NR1H4: variants seen among roughly 807,000 people sequenced by gnomAD.
NR1H4 encodes the protein nuclear receptor subfamily 1 group H member 4, also known as bile acid receptor.
Under a neutral mutation model 58.5 loss-of-function variants are expected in NR1H4, and 23 were observed. That is an observed-to-expected ratio of 0.39 (90% CI 0.28 to 0.56). The LOEUF (loss-of-function observed/expected upper bound fraction) is 0.56, where lower values mean the gene tolerates loss of function less well. Among genes scored for constraint, NR1H4 ranks in the 20% least tolerant of loss-of-function variants. The pLI, the probability that NR1H4 is intolerant of heterozygous loss-of-function variation, is 0.58. For synonymous variants in NR1H4, 214 were observed against 198.0 expected, an observed-to-expected ratio of 1.08 and a Z score of -0.68; for missense variants, 487 against 576.9, an observed-to-expected ratio of 0.84 and a Z score of 1.60.
At chr12:100,514,992 T>C (rs1380637944) in intron 4 of NR1H4, among the ~76,000 whole-genome samples, 2 of 152,018 alleles carry the variant, frequency 1.3e-5, no homozygotes, top group Non-Finnish European at 2.9e-5. Flanking sequence ...TCAGGTTCTT[T>C]TGAGTTTGGT....
chr12:100,528,734 C>T (rs1478247643), intron 4 of NR1H4, among the ~76,000 whole-genome samples: 3 of 152,136 alleles, frequency 2.0e-5, no homozygotes, highest in Non-Finnish European at 4.4e-5. Flanking sequence ...AGAGTGAAAG[C>T]TAATTAATTC....
intron 1 of NR1H4, among the ~76,000 whole-genome samples, chr12:100,489,589 C>T (rs1953564563): frequency 6.6e-6 from 1 of 152,092 alleles, no homozygotes; most frequent in Admixed American, 6.5e-5. Context: ...ACAGGCTACA[C>T]AAAAACAGGC....
chr12:100,496,460 C>T (rs1002945748), intron 3 of NR1H4, among the ~76,000 whole-genome samples: 17 of 152,128 alleles, frequency 1.1e-4, no homozygotes, highest in African/African-American at 4.1e-4. Context: ...GGCCCAAAGT[C>T]TGGAATGGAC....
chr12:100,543,988 C>A (rs1173388805), intron 9 of NR1H4, among the ~76,000 whole-genome samples: 2 of 152,096 alleles, frequency 1.3e-5, no homozygotes, highest in Admixed American at 1.3e-4. Context: ...TGCGGTGGCT[C>A]ACGCCTCTAA....
In NR1H4 at chr12:100,480,991, G is replaced by A. The variant is rs139530163; in HGVS notation, c.-190+6932G>A. 3.6e-4 allele frequency among the ~76,000 whole-genome samples: 55 copies of A among 152,310 alleles called. No homozygotes were observed. The East Asian group carries it at 9.5e-3, about 26-fold the overall frequency. On this transcript the variant is annotated intron_variant, in intron 1 of 10. Transcript: ENST00000392986. ...CAAACAGTATGGCAATCTCAGGGCA[G>A]CATTCTTTCTTAGATATGGAAAACA...
intron 3 of NR1H4, among the ~76,000 whole-genome samples, chr12:100,496,914 A>G (rs1281851135): frequency 2.6e-5 from 4 of 152,174 alleles, no homozygotes; most frequent in Non-Finnish European, 5.9e-5. Flanking sequence ...TACTCTTCAA[A>G]GGCTTTGCTT....
chr12:100,561,752 AATAAT>A (rs1401478303), intron 9 of NR1H4, 128 bp from the exon 10 acceptor site: 2 of 615,604 alleles, frequency 3.2e-6, no homozygotes, highest in African/African-American at 3.7e-5. Context: ...ATATAATAAA[AATAAT>A]ATAGTCATTA....
chr12:100,532,693 C>A, intron 5 of NR1H4, 83 bp downstream of exon 5: 1 of 1,283,788 alleles, frequency 7.8e-7, no homozygotes, highest in Admixed American at 1.8e-5. Flanking sequence ...AGTGCTACTT[C>A]ACATATTAAA....
intron 1 of NR1H4, among the ~76,000 whole-genome samples, chr12:100,475,072 A>G (rs1442912307): frequency 2.6e-5 from 4 of 152,148 alleles, no homozygotes; most frequent in Non-Finnish European, 5.9e-5. Context: ...AAGTGTATAC[A>G]TGGAATATGT....
intron 4 of NR1H4, among the ~76,000 whole-genome samples, chr12:100,528,795 A>T (rs1566459160): frequency 1.3e-5 from 2 of 152,196 alleles, no homozygotes; most frequent in Admixed American, 1.3e-4. Context: ...AGAGTCAAAA[A>T]ACCCTGCAGA....
intron 6 of NR1H4, among the ~76,000 whole-genome samples, chr12:100,535,242 C>G (rs942384619): frequency 6.6e-6 from 1 of 152,222 alleles, no homozygotes; most frequent in African/African-American, 2.4e-5. Flanking sequence ...TCTCTGACTC[C>G]ATTCCAGTCC....
chr12:100,524,756 C>G (rs186642002), intron 4 of NR1H4, among the ~76,000 whole-genome samples: 15 of 152,262 alleles, frequency 9.9e-5, no homozygotes, highest in African/African-American at 3.4e-4. Context: ...CTTCAGTTTT[C>G]TTTGCTTTTT....
At chr12:100,497,443 C>T (rs1278459785) in intron 3 of NR1H4, among the ~76,000 whole-genome samples, 1 of 152,048 alleles carries the variant, frequency 6.6e-6, no homozygotes, top group Non-Finnish European at 1.5e-5. Flanking sequence ...GACAGCTCCA[C>T]CAGAAAAAGA....
intron 4 of NR1H4, among the ~76,000 whole-genome samples, chr12:100,526,939 T>C (rs1350894433): frequency 6.6e-6 from 1 of 152,204 alleles, no homozygotes; most frequent in African/African-American, 2.4e-5. Flanking sequence ...AATTGCAGCT[T>C]TTGTCCCAGC....
At chr12:100,503,180 A>G (rs752019080) in intron 3 of NR1H4, among the ~76,000 whole-genome samples, 8 of 152,166 alleles carry the variant, frequency 5.3e-5, no homozygotes, top group Non-Finnish European at 1.0e-4. Flanking sequence ...CACCCTCTAA[A>G]AGTTCTTAAA....
intron 8 of NR1H4, 67 bp from the exon 9 acceptor site, chr12:100,540,605 T>C (rs1384327403): frequency 6.6e-7 from 1 of 1,523,896 alleles, no homozygotes; most frequent in Non-Finnish European, 9.1e-7. Context: ...GTTTTATCAA[T>C]GGCAATGATG....
At chr12:100,522,286 G>A (rs766268199) in intron 4 of NR1H4, among the ~76,000 whole-genome samples, 26 of 152,132 alleles carry the variant, frequency 1.7e-4, no homozygotes, top group Non-Finnish European at 3.4e-4. Context: ...ATTACTATGT[G>A]CAGGCACTGT....
At chr12:100,514,130 C>G (rs1260189493) in intron 4 of NR1H4, among the ~76,000 whole-genome samples, 2 of 152,066 alleles carry the variant, frequency 1.3e-5, no homozygotes, top group African/African-American at 2.4e-5. Flanking sequence ...ATGAATTGTC[C>G]CAACAATGAG....
chr12:100,553,815 C>G (rs564805054), intron 9 of NR1H4, among the ~76,000 whole-genome samples: 1 of 152,334 alleles, frequency 6.6e-6, no homozygotes, highest in Non-Finnish European at 1.5e-5. Flanking sequence ...GTGCTAGGCA[C>G]TATGTCTGGG....
Sources: gnomAD v4.1 joint callset for allele counts (sites outside exome capture counted in the v4.1 genomes callset) on GRCh38, gnomAD v4.1.1 for gene constraint, MANE v1.5 for transcripts, NCBI Gene and HGNC (gene_info 2026-07-23, HGNC 2026-07-21) for gene names.